SLC7A6OS: variants seen among roughly 807,000 people sequenced by gnomAD.
SLC7A6OS encodes the protein probable RNA polymerase II nuclear localization protein SLC7A6OS.
A neutral mutation model predicts 34.3 loss-of-function variants in SLC7A6OS; 22 were observed. The ratio of observed to expected loss-of-function variants is 0.64; its 90% CI spans 0.46 to 0.92. The LOEUF is 0.92. SLC7A6OS is among the 40% of genes least tolerant of loss of function. SLC7A6OS has a pLI of 0.00. For synonymous variants in SLC7A6OS, 199 were observed against 165.0 expected, an observed-to-expected ratio of 1.21 and a Z score of -1.58; for missense variants, 434 against 407.7, an observed-to-expected ratio of 1.06 and a Z score of -0.56.
chr16:68,304,026 C>T lies in SLC7A6OS; in HGVS notation c.678G>A (p.Leu226=). 1 of 1,612,998 alleles carries T rather than the reference C, an allele frequency of 6.2e-7. No homozygotes were observed. Among genetic ancestry groups the T allele is most frequent in the Non-Finnish European group, 8.5e-7 (1 of 1,179,808 alleles). The change falls in exon 3 of 5, where the codon CTG becomes CTA. Residue 226 remains leucine, a splice_region_variant and synonymous_variant. Coordinates refer to ENST00000263997, the MANE Select transcript of SLC7A6OS (RefSeq NM_032178.3). ...CCCGTCTGCTCATGGGCCCCCTTAC[C>T]AGCTCCCATTCTTGGCTGTAGGGCT... ...SVQPYSQEWE[L]VNDDQEPEDI...
At position 68,301,042 on chromosome 16, in the gene SLC7A6OS, A is replaced by C; in HGVS notation, c.*233T>G. The C allele has an allele frequency of 5.9e-6, 7 of 1,192,592 alleles. No individual in the cohort carries two copies. Among genetic ancestry groups the C allele is most frequent in the Non-Finnish European group, 7.3e-6 (7 of 963,134 alleles). 73.9% of individuals were successfully genotyped at this position (1,192,592 alleles called of 1,614,324 possible). A position where few individuals can be genotyped will look rare whatever the true frequency, so the allele number is the denominator to read the frequency against. ...TTTTTTCAACGTTTTTTTTTCTTTC[A>C]AACTGTAGGGTCACTTTTGATTGAG... is the stretch of plus-strand genomic sequence containing the variant. On this transcript the variant is annotated 3_prime_UTR_variant, in exon 5 of 5. Transcript: ENST00000263997.
intron 2 of SLC7A6OS, among the ~76,000 whole-genome samples, chr16:68,308,479 T>C (rs2043342495): frequency 6.6e-6 from 1 of 151,004 alleles, no homozygotes; most frequent in Non-Finnish European, 1.5e-5. Context: ...AATACAAAAT[T>C]AGCCGGGTGT....
chr16:68,304,310 GTGAAGGAAGGCTCCCT>G (rs2043310566), intron 2 of SLC7A6OS, 78 bp from the exon 3 acceptor site: 2 of 1,310,582 alleles, frequency 1.5e-6, no homozygotes, highest in African/African-American at 2.9e-5. Flanking sequence ...TATGAGTTGG[GTGAAGGAAGGCTCCCT>G]ACAGTTTTTT....
intron 2 of SLC7A6OS, among the ~76,000 whole-genome samples, chr16:68,305,167 T>C (rs1358571354): frequency 6.6e-6 from 1 of 152,154 alleles, no homozygotes; most frequent in Non-Finnish European, 1.5e-5. Flanking sequence ...TGTTCTCTCT[T>C]TGGGGATCAG....
chr16:68,302,328 G>A (rs925624621), intron 4 of SLC7A6OS, 53 bp downstream of exon 4: 1 of 1,605,216 alleles, frequency 6.2e-7, no homozygotes, highest in Non-Finnish European at 8.5e-7. Context: ...AACTATGCCT[G>A]CACCTCAGTC....
intron 2 of SLC7A6OS, among the ~76,000 whole-genome samples, chr16:68,306,682 G>T (rs1469795550): frequency 2.6e-5 from 4 of 152,054 alleles, no homozygotes; most frequent in African/African-American, 9.7e-5. Flanking sequence ...TGTAGAGATG[G>T]AGTCTTGCTA....
intron 2 of SLC7A6OS, among the ~76,000 whole-genome samples, chr16:68,306,542 C>T (rs912669665): frequency 6.6e-5 from 10 of 151,974 alleles, no homozygotes; most frequent in Non-Finnish European, 1.3e-4. Flanking sequence ...AGGCGGTTTT[C>T]ATTATGTTGC....
Position 68,302,476 on chromosome 16 carries a change from T to C in SLC7A6OS, c.704A>G (p.Asp235Gly), listed in dbSNP as rs1187399651. The C allele has an allele frequency of 6.2e-7, 1 of 1,614,182 alleles. No homozygotes were observed. Among genetic ancestry groups the C allele is most frequent in the African/African-American group, 1.3e-5 (1 of 75,028 alleles). ...ELVNDDQEPE[D>G]IYDDEDDENS... ...CTCGTCATCTTCATCGTCGTAAATG[T>C]CCTCTGGTTCTTGATCATCATTCAC... The change falls in exon 4 of 5, where the codon GAC (aspartate) becomes GGC (glycine). Residue 235 changes from aspartate (D) to glycine (G), a missense_variant. Asp to Gly is a moderately conservative substitution (Grantham distance 94, BLOSUM62 -1). Coordinates refer to ENST00000263997, the MANE Select transcript of SLC7A6OS (RefSeq NM_032178.3).
rs2043292938 is a variant in SLC7A6OS, at chr16:68,302,619, T to G, written c.679-118A>C. 5 of 1,179,100 alleles carry G rather than the reference T, an allele frequency of 4.2e-6. No individual in the cohort carries two copies. The Admixed American group carries it at 8.9e-5, about 21-fold the overall frequency. The allele number at this position is 1,179,100 out of a possible 1,614,324, so 73.0% of individuals were successfully genotyped here. A position where few individuals can be genotyped will look rare whatever the true frequency, so the allele number is the denominator to read the frequency against. On this transcript the variant is annotated intron_variant, in intron 3 of 4. Transcript: ENST00000263997. ...ATGTAAAAGTGCCCTGTGAAAAAACTGCAGACTAGTAGTTTGACTCCATTG... is the reference window on the plus strand; with the variant it reads ...ATGTAAAAGTGCCCTGTGAAAAAACGGCAGACTAGTAGTTTGACTCCATTG...
chr16:68,310,256 A>C (rs2043441811), intron 2 of SLC7A6OS, 79 bp downstream of exon 2: 2 of 1,438,854 alleles, frequency 1.4e-6, no homozygotes, highest in African/African-American at 1.4e-5. Context: ...CTTAAGATGA[A>C]ACTGTGCTGC....
intron 3 of SLC7A6OS, chr16:68,303,542 C>T (rs932057685): frequency 1.9e-5 from 3 of 157,934 alleles, no homozygotes; most frequent in Non-Finnish European, 4.1e-5. Context: ...CAGATAGCAC[C>T]ACTGCACTCC....
rs1316651270 is a variant in SLC7A6OS at position 68,301,362 on chromosome 16, G to GCTGC, written c.839_842dup (p.Ser281ArgfsTer22). On this transcript the variant is annotated frameshift_variant, in exon 5 of 5. Transcript: ENST00000263997. LOFTEE classifies it high-confidence loss of function. Reference sequence around the variant, plus strand: ...ACTTGCTCCACATCCGCTGTCTGCTGCTGCCTCTTTCCTCCTCACTCAGGC... The same window carrying GCTGC: ...ACTTGCTCCACATCCGCTGTCTGCTGCTGCCTGCCTCTTTCCTCCTCACTCAGGC... 1.2e-6 allele frequency: 2 copies of GCTGC among 1,613,988 alleles called. No individual in the cohort carries two copies. The highest frequency in any genetic ancestry group is 2.7e-5 in the African/African-American group (2 of 74,912).
chr16:68,310,597 G>A lies in SLC7A6OS; in HGVS notation c.209C>T (p.Pro70Leu), dbSNP rs767012475. 7 of 1,596,962 alleles carry A rather than the reference G, an allele frequency of 4.4e-6. No individual in the cohort carries two copies. In the South Asian group the frequency reaches 4.4e-5, roughly 10 times the overall value. Residue 70 changes from proline (P) to leucine (L), a missense_variant, in exon 2 of 5, where the codon CCT (proline) becomes CTT (leucine). By Grantham distance (98) the Pro-to-Leu change is moderately conservative. Coordinates refer to ENST00000263997, the MANE Select transcript of SLC7A6OS (RefSeq NM_032178.3). ...TVCSQEEPVQPLLREVLRPSR... is the reference protein window; with the variant it reads ...TVCSQEEPVQLLLREVLRPSR... ...CGGGCGCAGAACTTCCCGCAGGAGAGGCTGGACTGGTTCCTCCTAGGGGGC... is the reference window on the plus strand; with the variant it reads ...CGGGCGCAGAACTTCCCGCAGGAGAAGCTGGACTGGTTCCTCCTAGGGGGC...
At chr16:68,306,757 G>A (rs1259477217) in intron 2 of SLC7A6OS, among the ~76,000 whole-genome samples, 2 of 152,120 alleles carry the variant, frequency 1.3e-5, no homozygotes, top group East Asian at 1.9e-4. Flanking sequence ...CTCCCAAAGT[G>A]CTAGGATTAT....
chr16:68,304,674 TTTAA>T (rs2043313983), intron 2 of SLC7A6OS, among the ~76,000 whole-genome samples: 2 of 152,188 alleles, frequency 1.3e-5, no homozygotes, highest in Non-Finnish European at 2.9e-5. Flanking sequence ...TTCCTAGTCT[TTTAA>T]TTAATTATTA....
Position 68,298,662 on chromosome 16 carries a change from T to G in SLC7A6OS, c.*2613A>C, listed in dbSNP as rs2043216501. 2 of 152,230 alleles carry G rather than the reference T, an allele frequency of 1.3e-5. No homozygotes were observed. 9.4% of individuals were successfully genotyped at this position (152,230 alleles called of 1,614,324 possible). On this transcript the variant is annotated 3_prime_UTR_variant, in exon 5 of 5. Coordinates refer to ENST00000263997, the MANE Select transcript of SLC7A6OS (RefSeq NM_032178.3). Reference sequence around the variant, plus strand: ...GATCAGTGAAGACTGGGAGGAAAGCTGCTTCAACCTGAGTCCGGCTCTTCA... The same window carrying G: ...GATCAGTGAAGACTGGGAGGAAAGCGGCTTCAACCTGAGTCCGGCTCTTCA...
At chr16:68,303,255 C>T (rs556220876) in intron 3 of SLC7A6OS, among the ~76,000 whole-genome samples, 190 of 134,624 alleles carry the variant, frequency 1.4e-3, no homozygotes, top group Non-Finnish European at 2.5e-3. Context: ...CAGAGCGAGA[C>T]TCCATCTCAA....
chr16:68,304,332 T>A, intron 2 of SLC7A6OS, 100 bp from the exon 3 acceptor site: 1 of 1,094,052 alleles, frequency 9.1e-7, no homozygotes, highest in Non-Finnish European at 1.4e-6. Flanking sequence ...TCCCTACAGT[T>A]TTTTTTGAGA....
chr16:68,310,876 C>T lies in SLC7A6OS; in HGVS notation c.51G>A (p.Ala17=). 3 of 1,608,680 alleles carry T rather than the reference C, an allele frequency of 1.9e-6. No individual in the cohort carries two copies. Among genetic ancestry groups the T allele is most frequent in the Non-Finnish European group, 2.5e-6 (3 of 1,178,582 alleles). Residue 17 remains alanine, a synonymous_variant, in exon 1 of 5, where the codon GCG becomes GCA. Coordinates refer to ENST00000263997, the MANE Select transcript of SLC7A6OS (RefSeq NM_032178.3). ...AVLRVKRKRS[A]EPAEALVLAC... ...CGAGCACAAGAGCCTCCGCCGGCTCCGCACTGCGCTTCCGCTTCACCCGGA... is the reference window on the plus strand; with the variant it reads ...CGAGCACAAGAGCCTCCGCCGGCTCTGCACTGCGCTTCCGCTTCACCCGGA...
Sources: gnomAD v4.1 joint callset for allele counts (sites outside exome capture counted in the v4.1 genomes callset) on GRCh38, gnomAD v4.1.1 for gene constraint, MANE v1.5 for transcripts, NCBI Gene and HGNC (gene_info 2026-07-23, HGNC 2026-07-21) for gene names.